FHIT: variants seen among roughly 807,000 people sequenced by gnomAD.
FHIT encodes the protein fragile histidine triad diadenosine triphosphatase.
A neutral mutation model predicts 17.9 loss-of-function variants in FHIT; 19 were observed. That is an observed-to-expected ratio of 1.06 (90% CI 0.74 to 1.56). The LOEUF is 1.56. Ranked by LOEUF, FHIT falls within the 40% of genes most tolerant of loss-of-function variation. FHIT has a pLI of 0.00. For missense variants in FHIT, 248 were observed against 189.2 expected (o/e 1.31, Z -1.82); for synonymous variants, 81 against 69.7 (o/e 1.16, Z -0.81).
chr3:60,949,803 T>A (rs766003623), intron 3 of FHIT, among the ~76,000 whole-genome samples: 4 of 152,168 alleles, frequency 2.6e-5, no homozygotes, highest in Non-Finnish European at 4.4e-5. Context: ...AAAGAAAAGG[T>A]CAAAAGAGTT....
At chr3:59,993,290 T>A (rs1391332472) in intron 7 of FHIT, among the ~76,000 whole-genome samples, 3 of 152,002 alleles carry the variant, frequency 2.0e-5, no homozygotes, top group Non-Finnish European at 4.4e-5. Flanking sequence ...AGGTACTGAG[T>A]CTCACACACC....
chr3:60,014,182 G>C, intron 5 of FHIT, 30 bp from the exon 6 acceptor site: 1 of 1,611,470 alleles, frequency 6.2e-7, no homozygotes, highest in Non-Finnish European at 8.5e-7. Flanking sequence ...GGCCCATGCT[G>C]CTGGCTTTGG....
chr3:60,527,048 T>A (rs1341544822), intron 5 of FHIT, among the ~76,000 whole-genome samples: 5 of 152,186 alleles, frequency 3.3e-5, no homozygotes, highest in Non-Finnish European at 5.9e-5. Context: ...AATGTGGATG[T>A]GGGGAGCATC....
chr3:60,637,221 C>A (rs1403211638), intron 4 of FHIT, among the ~76,000 whole-genome samples: 1 of 152,134 alleles, frequency 6.6e-6, no homozygotes, highest in African/African-American at 2.4e-5. Context: ...TTTGATAGCA[C>A]CACTTTGAAG....
chr3:59,819,496 G>T (rs899895640), intron 8 of FHIT, among the ~76,000 whole-genome samples: 1 of 151,942 alleles, frequency 6.6e-6, no homozygotes, highest in Non-Finnish European at 1.5e-5. Flanking sequence ...GAAATTATTT[G>T]TATAGGAAAA....
chr3:60,934,432 A>C (rs1002262791), intron 3 of FHIT, among the ~76,000 whole-genome samples: 1 of 152,192 alleles, frequency 6.6e-6, no homozygotes, highest in Non-Finnish European at 1.5e-5. Context: ...TTTCCATGAA[A>C]AAATATGTCT....
intron 5 of FHIT, among the ~76,000 whole-genome samples, chr3:60,327,411 T>C (rs1180075402): frequency 1.3e-5 from 2 of 152,268 alleles, no homozygotes; most frequent in African/African-American, 2.4e-5. Flanking sequence ...GCTACTTAGC[T>C]CTGACACCGT....
intron 5 of FHIT, among the ~76,000 whole-genome samples, chr3:60,154,579 A>C (rs1700600070): frequency 6.6e-6 from 1 of 152,184 alleles, no homozygotes; most frequent in African/African-American, 2.4e-5. Context: ...ATAATATTCC[A>C]AGCTGTTATT....
At chr3:60,486,463 C>T (rs2033845162) in intron 5 of FHIT, among the ~76,000 whole-genome samples, 1 of 152,118 alleles carries the variant, frequency 6.6e-6, no homozygotes, top group African/African-American at 2.4e-5. Context: ...CTCCTAACAT[C>T]AAACATTAAT....
At chr3:59,770,161 G>T (rs537804820) in intron 8 of FHIT, among the ~76,000 whole-genome samples, 3 of 152,090 alleles carry the variant, frequency 2.0e-5, no homozygotes, top group South Asian at 2.1e-4. Context: ...ATTCACCTAG[G>T]GCTTACCATG....
chr3:60,562,671 C>T (rs964572765), intron 4 of FHIT, among the ~76,000 whole-genome samples: 8 of 152,178 alleles, frequency 5.3e-5, no homozygotes, highest in African/African-American at 1.9e-4. Flanking sequence ...GTTAGGAATG[C>T]AAATTCTCAG....
chr3:61,078,043 T>C (rs1036290319), intron 2 of FHIT, among the ~76,000 whole-genome samples: 2 of 152,024 alleles, frequency 1.3e-5, no homozygotes, highest in East Asian at 1.9e-4. Context: ...GGGAGAGCGG[T>C]GGTTAGTTAA....
At chr3:60,850,027 G>A (rs148643526) in intron 3 of FHIT, among the ~76,000 whole-genome samples, 1 of 151,994 alleles carries the variant, frequency 6.6e-6, no homozygotes, top group African/African-American at 2.4e-5. Flanking sequence ...GAGCCCAGGC[G>A]ATGTCAGGGA....
intron 2 of FHIT, among the ~76,000 whole-genome samples, chr3:61,191,580 C>T (rs934349849): frequency 2.0e-5 from 3 of 152,062 alleles, no homozygotes; most frequent in Non-Finnish European, 2.9e-5. Flanking sequence ...TAGTATAAGC[C>T]CCAGTTTTAT....
intron 4 of FHIT, among the ~76,000 whole-genome samples, chr3:60,691,970 T>C (rs2041002402): frequency 6.6e-6 from 1 of 152,228 alleles, no homozygotes; most frequent in African/African-American, 2.4e-5. Context: ...CTTTAGTTTA[T>C]CATGAAAGAG....
chr3:60,621,650 G>C (rs377197649), intron 4 of FHIT, among the ~76,000 whole-genome samples: 1 of 152,024 alleles, frequency 6.6e-6, no homozygotes, highest in Non-Finnish European at 1.5e-5. Context: ...CACACTTTTG[G>C]CTTTCCAGAG....
intron 5 of FHIT, among the ~76,000 whole-genome samples, chr3:60,068,043 C>T (rs1702595939): frequency 6.6e-6 from 1 of 152,060 alleles, no homozygotes; most frequent in Non-Finnish European, 1.5e-5. Flanking sequence ...TGAGACCAGC[C>T]TGGTCAACGT....
intron 5 of FHIT, among the ~76,000 whole-genome samples, chr3:60,479,726 C>G (rs971618719): frequency 7.9e-5 from 12 of 152,144 alleles, no homozygotes; most frequent in African/African-American, 2.9e-4. Flanking sequence ...GTATTAGATT[C>G]TGATAGAAGC....
At chr3:61,209,229 T>C (rs187816109) in intron 1 of FHIT, among the ~76,000 whole-genome samples, 2 of 152,338 alleles carry the variant, frequency 1.3e-5, no homozygotes, top group East Asian at 1.9e-4. Flanking sequence ...ACCCGACCTT[T>C]CTCTCTGGCT....
Sources: allele counts gnomAD v4.1 joint callset (sites outside exome capture counted in the v4.1 genomes callset), GRCh38; gene constraint gnomAD v4.1.1; transcripts MANE v1.5; gene names NCBI Gene and HGNC (gene_info 2026-07-23, HGNC 2026-07-21).